The following MAGI2 variants were observed in gnomAD, a reference collection of about 807,000 sequenced individuals.
MAGI2 encodes the protein membrane associated guanylate kinase, WW and PDZ domain containing 2.
A neutral mutation model predicts 133.3 loss-of-function variants in MAGI2; 35 were observed. The ratio of observed to expected loss-of-function variants is 0.26; its 90% CI spans 0.20 to 0.35. The LOEUF is 0.35. Among genes scored for constraint, MAGI2 ranks in the 10% least tolerant of loss-of-function variants. The pLI is 1.00. For synonymous variants in MAGI2, 729 were observed against 710.6 expected (o/e 1.03, Z -0.41); for missense variants, 1,636 against 1,863.4 (o/e 0.88, Z 2.25).
At chr7:79,098,351 A>G (rs1372449204) in intron 1 of MAGI2, among the ~76,000 whole-genome samples, 2 of 152,162 alleles carry the variant, frequency 1.3e-5, no homozygotes, top group African/African-American at 2.4e-5. Context: ...CAATACTGTT[A>G]TTTTACATTT....
At chr7:78,593,661 T>C (rs1459935229) in intron 3 of MAGI2, among the ~76,000 whole-genome samples, 3 of 152,218 alleles carry the variant, frequency 2.0e-5, no homozygotes, top group African/African-American at 7.2e-5. Flanking sequence ...GTCTTCCAGA[T>C]GGGATGAAGA....
intron 1 of MAGI2, among the ~76,000 whole-genome samples, chr7:79,393,277 G>A (rs1844800741): frequency 6.6e-6 from 1 of 152,080 alleles, no homozygotes; most frequent in Non-Finnish European, 1.5e-5. Context: ...CAGAGAGACT[G>A]CATAAGTAAA....
At chr7:78,617,635 T>C (rs1370894562) in intron 3 of MAGI2, 2 of 152,088 alleles carry the variant, frequency 1.3e-5, no homozygotes, top group Non-Finnish European at 2.9e-5. Flanking sequence ...GCGGAGTATT[T>C]TGACAAATAT....
intron 6 of MAGI2, among the ~76,000 whole-genome samples, chr7:78,450,100 A>T (rs942479446): frequency 6.6e-6 from 1 of 151,976 alleles, no homozygotes. Flanking sequence ...TTCCTTTAAC[A>T]TTCCCATGAC....
chr7:78,915,020 C>T (rs553265565), intron 2 of MAGI2, among the ~76,000 whole-genome samples: 2 of 152,088 alleles, frequency 1.3e-5, no homozygotes, highest in South Asian at 2.1e-4. Context: ...TTGCTATTTT[C>T]AAAACATACT....
chr7:78,498,782 A>G (rs35114939), intron 5 of MAGI2, among the ~76,000 whole-genome samples: 92,212 of 151,782 alleles, frequency 0.61, 29,409 homozygotes, highest in African/African-American at 0.82. Flanking sequence ...GCAGGCGGGC[A>G]GGGATGCCTC....
At chr7:78,300,950 G>C (rs1797769539) in intron 9 of MAGI2, among the ~76,000 whole-genome samples, 1 of 152,168 alleles carries the variant, frequency 6.6e-6, no homozygotes, top group Non-Finnish European at 1.5e-5. Flanking sequence ...AACATATTGA[G>C]TCTGGCACTG....
At chr7:78,474,560 A>T (rs1043951983) in intron 6 of MAGI2, among the ~76,000 whole-genome samples, 9 of 152,022 alleles carry the variant, frequency 5.9e-5, no homozygotes, top group Admixed American at 5.3e-4. Flanking sequence ...ATTCAGAGTG[A>T]GATCTATACA....
intron 4 of MAGI2, among the ~76,000 whole-genome samples, chr7:78,520,688 A>G (rs1044708424): frequency 2.0e-5 from 3 of 152,166 alleles, no homozygotes; most frequent in Non-Finnish European, 2.9e-5. Flanking sequence ...TATTTTAAAA[A>G]TCTATTTCTG....
intron 1 of MAGI2, among the ~76,000 whole-genome samples, chr7:79,288,976 A>G (rs1366971881): frequency 6.6e-6 from 1 of 152,170 alleles, no homozygotes; most frequent in South Asian, 2.1e-4. Flanking sequence ...TTTATCAAAC[A>G]GCAAAGCCAT....
chr7:79,042,680 T>C (rs374459565), intron 1 of MAGI2, among the ~76,000 whole-genome samples: 6 of 152,190 alleles, frequency 3.9e-5, no homozygotes, highest in South Asian at 2.1e-4. Context: ...AGACAAATCA[T>C]TGAGGCAGAA....
At chr7:78,113,650 G>A (rs1018986691) in intron 20 of MAGI2, among the ~76,000 whole-genome samples, 1 of 152,160 alleles carries the variant, frequency 6.6e-6, no homozygotes, top group African/African-American at 2.4e-5. Flanking sequence ...GCTGTAACCT[G>A]GTGTGTAGGA....
intron 2 of MAGI2, among the ~76,000 whole-genome samples, chr7:78,952,924 TA>T (rs1801992874): frequency 6.6e-6 from 1 of 152,200 alleles, no homozygotes. Flanking sequence ...CCCATTAAAA[TA>T]TTTGGCAACA....
intron 1 of MAGI2, among the ~76,000 whole-genome samples, chr7:79,380,159 A>C (rs1474196587): frequency 6.6e-6 from 1 of 151,828 alleles, no homozygotes; most frequent in Admixed American, 6.6e-5. Flanking sequence ...GATCTAATTA[A>C]ACTAAAGAGC....
At chr7:78,244,781 T>G (rs1791579716) in intron 10 of MAGI2, among the ~76,000 whole-genome samples, 1 of 152,042 alleles carries the variant, frequency 6.6e-6, no homozygotes, top group African/African-American at 2.4e-5. Flanking sequence ...ATGCAACTCA[T>G]CATAGTGATA....
chr7:78,570,219 C>T (rs77837411), intron 3 of MAGI2, among the ~76,000 whole-genome samples: 1,645 of 152,230 alleles, frequency 0.011, 26 homozygotes, highest in African/African-American at 0.037. Context: ...AAGTCTTCAA[C>T]GTGTTTCTAC....
intron 3 of MAGI2, among the ~76,000 whole-genome samples, chr7:78,555,610 G>A (rs1194748743): frequency 6.6e-6 from 1 of 152,142 alleles, no homozygotes; most frequent in African/African-American, 2.4e-5. Flanking sequence ...CTTATTGTCT[G>A]CACTTGGGAA....
Position 79,092,713 on chromosome 7 carries a change from T to C in MAGI2, c.302-85507A>G, listed in dbSNP as rs1046586735. Among the ~76,000 whole-genome samples, 5 of 152,298 alleles carry C rather than the reference T, an allele frequency of 3.3e-5. No individual in the cohort carries two copies. The East Asian group carries it at 9.7e-4, about 29-fold the overall frequency. ...CCAATAATTATTTTCTTTTTGGCTT[T>C]GTATACAAATTCTCAGTGCATTTCT... On this transcript the variant is annotated intron_variant, in intron 1 of 21. Coordinates refer to ENST00000354212, the MANE Select transcript of MAGI2 (RefSeq NM_012301.4).
chr7:79,285,441 CT>C (rs1220458235), intron 1 of MAGI2, among the ~76,000 whole-genome samples: 1 of 151,994 alleles, frequency 6.6e-6, no homozygotes, highest in Non-Finnish European at 1.5e-5. Flanking sequence ...TCCAGTGTGC[CT>C]GAGAAAAAGA....
Sources: gnomAD v4.1 joint callset for allele counts (sites outside exome capture counted in the v4.1 genomes callset) on GRCh38, gnomAD v4.1.1 for gene constraint, MANE v1.5 for transcripts, NCBI Gene and HGNC (gene_info 2026-07-23, HGNC 2026-07-21) for gene names.